CACHD1: variants seen among roughly 807,000 people sequenced by gnomAD.
CACHD1 encodes VWFA and cache domain-containing protein 1.
CACHD1 carries 71 observed loss-of-function variants against 138.7 expected under a neutral mutation model. The ratio of observed to expected loss-of-function variants is 0.51; its 90% CI spans 0.42 to 0.62. The LOEUF is 0.62. Ranked by LOEUF, CACHD1 falls within the 20% of genes least tolerant of loss-of-function variation. CACHD1 has a pLI of 0.00. For synonymous variants in CACHD1, 578 were observed against 591.5 expected (o/e 0.98, Z 0.33); for missense variants, 1,389 against 1,625.3 (o/e 0.85, Z 2.50).
intron 24 of CACHD1, among the ~76,000 whole-genome samples, chr1:64,680,134 G>A (rs1039247419): frequency 1.3e-5 from 2 of 152,158 alleles, no homozygotes; most frequent in Non-Finnish European, 2.9e-5. Flanking sequence ...TAATCTGTTC[G>A]ATTGCAGCTG....
intron 1 of CACHD1, among the ~76,000 whole-genome samples, chr1:64,542,570 G>A (rs1646685249): frequency 6.6e-6 from 1 of 152,052 alleles, no homozygotes; most frequent in African/African-American, 2.4e-5. Flanking sequence ...TCTGAAAAAT[G>A]TTTGTCTTTC....
At chr1:64,645,972 T>C (rs1350840522) in intron 8 of CACHD1, among the ~76,000 whole-genome samples, 1 of 152,168 alleles carries the variant, frequency 6.6e-6, no homozygotes, top group East Asian at 1.9e-4. Flanking sequence ...CATGACCATG[T>C]TGATAATAGG....
At chr1:64,513,994 T>G (rs1646440692) in intron 1 of CACHD1, among the ~76,000 whole-genome samples, 1 of 152,332 alleles carries the variant, frequency 6.6e-6, no homozygotes, top group Non-Finnish European at 1.5e-5. Flanking sequence ...TTCCAGATAA[T>G]CTTTTTAGGA....
Position 64,543,644 on chromosome 1 carries a change from A to T in CACHD1, c.199-6950A>T, listed in dbSNP as rs78221165. ...TTTGACCTCAGAATGCAGAATAATT[A>T]GCCTCATCAGAGAATGCCGTTTTTA... On this transcript the variant is annotated intron_variant, in intron 1 of 26. Transcript: ENST00000651257. Among the ~76,000 whole-genome samples the T allele has an allele frequency of 1.6e-3, 249 of 151,670 alleles. 2 individuals carry two copies. The highest frequency in any genetic ancestry group is 5.8e-3 in the African/African-American group (242 of 41,478).
At chr1:64,498,484 T>C (rs1162769592) in intron 1 of CACHD1, among the ~76,000 whole-genome samples, 1 of 152,216 alleles carries the variant, frequency 6.6e-6, no homozygotes, top group Non-Finnish European at 1.5e-5. Context: ...GCGCCTTCCT[T>C]ATAGAAGGAA....
At chr1:64,676,582 C>A (rs973801617) in intron 21 of CACHD1, among the ~76,000 whole-genome samples, 6 of 152,180 alleles carry the variant, frequency 3.9e-5, no homozygotes, top group African/African-American at 1.4e-4. Flanking sequence ...AATCCTCCCA[C>A]CTTTCTACCT....
At chr1:64,476,073 A>G (rs1315250223) in intron 1 of CACHD1, among the ~76,000 whole-genome samples, 1 of 151,254 alleles carries the variant, frequency 6.6e-6, no homozygotes, top group Non-Finnish European at 1.5e-5. Flanking sequence ...TTTTCAGTGA[A>G]ATGTCCACAC....
chr1:64,587,892 AT>A (rs1396627970), intron 3 of CACHD1, among the ~76,000 whole-genome samples: 1 of 152,164 alleles, frequency 6.6e-6, no homozygotes, highest in Non-Finnish European at 1.5e-5. Context: ...AGGTTTTTAA[AT>A]TTGTAAATTT....
At chr1:64,545,570 T>G (rs759691558) in intron 1 of CACHD1, among the ~76,000 whole-genome samples, 1 of 152,244 alleles carries the variant, frequency 6.6e-6, no homozygotes, top group Non-Finnish European at 1.5e-5. Context: ...GAATATTCTG[T>G]TATGCGAATT....
intron 1 of CACHD1, among the ~76,000 whole-genome samples, chr1:64,480,143 A>T (rs2100271373): frequency 6.6e-6 from 1 of 152,222 alleles, no homozygotes; most frequent in African/African-American, 2.4e-5. Context: ...TTTCTCCCTG[A>T]CCTCTCAGAT....
chr1:64,570,733 A>G (rs1646920463), intron 2 of CACHD1, among the ~76,000 whole-genome samples: 1 of 152,136 alleles, frequency 6.6e-6, no homozygotes, highest in African/African-American at 2.4e-5. Flanking sequence ...GGTTCAGGCA[A>G]ATATCCTCAT....
intron 25 of CACHD1, among the ~76,000 whole-genome samples, 193 bp downstream of exon 25, chr1:64,681,528 A>G (rs1264873231): frequency 1.8e-5 from 2 of 111,236 alleles, no homozygotes; most frequent in Non-Finnish European, 3.3e-5. Context: ...AGAATCTCAA[A>G]AGATTTTATT....
At chr1:64,558,657 T>C (rs561990554) in intron 2 of CACHD1, among the ~76,000 whole-genome samples, 3 of 152,198 alleles carry the variant, frequency 2.0e-5, no homozygotes, top group Middle Eastern at 3.4e-3. Flanking sequence ...CGGGATCTAA[T>C]TGAAGGTAAG....
In CACHD1 at chr1:64,470,571, G is replaced by T. The variant is rs1293953593; in HGVS notation, c.-174G>T. Among the ~76,000 whole-genome samples the T allele has an allele frequency of 1.3e-5, 2 of 151,836 alleles. No homozygotes were observed. Among genetic ancestry groups the T allele is most frequent in the Admixed American group, 6.6e-5 (1 of 15,240 alleles). ...CGCGATGGTGGCCGCCCGCGCTCCC[G>T]CGCTGTAGCCGGGCGCCCCCTAAGT... On this transcript the variant is annotated 5_prime_UTR_variant, in exon 1 of 27. Coordinates refer to ENST00000651257, the MANE Select transcript of CACHD1 (RefSeq NM_020925.4). This position sits in a 1 kb window ranked among gnomAD's most constrained non-coding sequence, Gnocchi z 5.2.
At chr1:64,650,826 C>G (rs1431328691) in intron 9 of CACHD1, among the ~76,000 whole-genome samples, 2 of 152,142 alleles carry the variant, frequency 1.3e-5, no homozygotes, top group Non-Finnish European at 2.9e-5. Context: ...AACAATCCAT[C>G]TTTTTGTTTA....
intron 4 of CACHD1, among the ~76,000 whole-genome samples, chr1:64,610,655 C>T (rs1347394555): frequency 6.6e-6 from 1 of 152,242 alleles, no homozygotes; most frequent in African/African-American, 2.4e-5. Context: ...TGTGGCTTTG[C>T]AGGGTAAGCC....
At chr1:64,684,548 A>G (rs1346956359) in intron 26 of CACHD1, among the ~76,000 whole-genome samples, 1 of 152,020 alleles carries the variant, frequency 6.6e-6, no homozygotes, top group African/African-American at 2.4e-5. Context: ...AAAATAGTCA[A>G]AAAGTTTTAA....
At chr1:64,663,550 G>GAA (rs11289872) in intron 13 of CACHD1, 145 bp from the exon 14 acceptor site, 2,418 of 790,870 alleles carry the variant, frequency 3.1e-3, no homozygotes, top group Non-Finnish European at 3.7e-3. Flanking sequence ...GACTCCATCT[G>GAA]AAAAAAAAAA....
In CACHD1 at chr1:64,690,118, A is replaced by G. The variant is rs115286835; in HGVS notation, c.3587-1205A>G. Among the ~76,000 whole-genome samples, 993 of 152,356 alleles carry G rather than the reference A, an allele frequency of 6.5e-3. 1 individual carries two copies. The highest frequency in any genetic ancestry group is 0.011 in the Non-Finnish European group (771 of 68,040). ...TCAAACATTAGCTTTTGAGCTCCCT[A>G]TGCAGGGACCAGGCTTTCATCTTTA... On this transcript the variant is annotated intron_variant, in intron 26 of 26. Transcript: ENST00000651257.
Sources: allele counts gnomAD v4.1 joint callset (sites outside exome capture counted in the v4.1 genomes callset), GRCh38; gene constraint gnomAD v4.1.1; non-coding constraint Gnocchi (gnomAD v3.1); transcripts MANE v1.5; gene names NCBI Gene and HGNC (gene_info 2026-07-23, HGNC 2026-07-21).